UACA: variants seen among roughly 807,000 people sequenced by gnomAD.
UACA encodes nuclear membrane binding protein.
A neutral mutation model predicts 160.5 loss-of-function variants in UACA; 112 were observed. The observed-to-expected ratio is 0.70, with a 90% confidence interval of 0.60 to 0.82. The LOEUF is 0.82. Ranked by LOEUF, UACA falls within the 40% of genes least tolerant of loss-of-function variation. The probability of loss-of-function intolerance (pLI) is 0.00; values close to 1 mark genes in which losing one functional copy is unlikely to be tolerated. For missense variants in UACA, 1,574 were observed against 1,614.6 expected (o/e 0.97, Z 0.43); for synonymous variants, 557 against 568.4 (o/e 0.98, Z 0.29).
At chr15:70,745,048 A>G (rs576974705) in intron 1 of UACA, among the ~76,000 whole-genome samples, 42 of 152,302 alleles carry the variant, frequency 2.8e-4, no homozygotes, top group African/African-American at 9.9e-4. Context: ...CTGGGGAAAA[A>G]TATGTATTTT....
At chr15:70,763,176 ACGG>A (rs1305092395) in intron 1 of UACA, among the ~76,000 whole-genome samples, 151 bp downstream of exon 1, 1 of 152,086 alleles carries the variant, frequency 6.6e-6, no homozygotes, top group Non-Finnish European at 1.5e-5. Context: ...CTCTGGGCTG[ACGG>A]AGTCTCCGGC....
chr15:70,708,290 T>C (rs980562757), intron 1 of UACA, among the ~76,000 whole-genome samples: 3 of 152,114 alleles, frequency 2.0e-5, no homozygotes, highest in Non-Finnish European at 2.9e-5. Flanking sequence ...TGGGGAGCTA[T>C]TGTTTAATGG....
intron 1 of UACA, among the ~76,000 whole-genome samples, chr15:70,705,794 A>C (rs1898508081): frequency 6.6e-6 from 1 of 152,134 alleles, no homozygotes; most frequent in South Asian, 2.1e-4. Flanking sequence ...CACAGAACTT[A>C]AGTACCCTGA....
chr15:70,702,054 TG>T, intron 1 of UACA: 1 of 1,399,902 alleles, frequency 7.1e-7, no homozygotes, highest in Non-Finnish European at 9.3e-7. Context: ...ACACTTAGCT[TG>T]GATCTCTAAC....
Position 70,667,973 on chromosome 15 carries a change from TTCTTA to T in UACA, c.2706_2710del (p.Asp902GlufsTer2). On this transcript the variant is annotated frameshift_variant, in exon 16 of 19. Coordinates refer to ENST00000322954, the MANE Select transcript of UACA (RefSeq NM_018003.4). LOFTEE classifies it high-confidence loss of function. ...TTCCAGGTTTCTTTTTAATATTTCA[TTCTTA>T]TCTTTTATTTTTACAAATTCCTGAT... 6.2e-7 allele frequency: 1 copy of T among 1,602,194 alleles called. No homozygotes were observed.
chr15:70,699,804 C>T, intron 1 of UACA, 144 bp from the exon 2 acceptor site: 1 of 834,706 alleles, frequency 1.2e-6, no homozygotes, highest in Non-Finnish European at 1.8e-6. Flanking sequence ...CTTCTCCCTT[C>T]TGTGCTAACT....
At chr15:70,674,072 G>A (rs934426849) in intron 13 of UACA, among the ~76,000 whole-genome samples, 7 of 152,120 alleles carry the variant, frequency 4.6e-5, no homozygotes, top group African/African-American at 1.7e-4. Context: ...ATGTTGCCCA[G>A]GCTGGTCTCG....
chr15:70,756,533 A>G (rs1313223714), intron 1 of UACA, among the ~76,000 whole-genome samples: 2 of 152,178 alleles, frequency 1.3e-5, no homozygotes, highest in East Asian at 3.9e-4. Context: ...CACCCACCCA[A>G]AGATTATTTT....
At chr15:70,745,825 G>C (rs560105016) in intron 1 of UACA, among the ~76,000 whole-genome samples, 1 of 25,154 alleles carries the variant, frequency 4.0e-5, no homozygotes, top group South Asian at 1.7e-3. Flanking sequence ...ACAACCATCT[G>C]ACCTTTGACA....
chr15:70,690,864 T>A (rs1330206864), intron 4 of UACA, among the ~76,000 whole-genome samples: 2 of 152,160 alleles, frequency 1.3e-5, no homozygotes, highest in Non-Finnish European at 2.9e-5. Context: ...AATATGTTTA[T>A]AAAAATGTAT....
chr15:70,769,337 T>A, the UACA span, among the ~76,000 whole-genome samples: 4,874 of 31,694 alleles, frequency 0.15, 133 homozygotes, highest in Middle Eastern at 0.36. Flanking sequence ...AGACTCCGAC[T>A]CAAAAAAAAA....
the UACA span, among the ~76,000 whole-genome samples, chr15:70,772,883 G>A: frequency 6.6e-6 from 1 of 152,188 alleles, no homozygotes; most frequent in East Asian, 1.9e-4. Context: ...AAGGTCAGGA[G>A]TTTGAGACCA....
chr15:70,755,367 T>C (rs2030354428), intron 1 of UACA, among the ~76,000 whole-genome samples: 1 of 151,230 alleles, frequency 6.6e-6, no homozygotes, highest in Non-Finnish European at 1.5e-5. Flanking sequence ...TAATTCAAGG[T>C]TTAAAAAAAA....
intron 5 of UACA, among the ~76,000 whole-genome samples, chr15:70,689,036 C>T (rs889906996): frequency 3.1e-4 from 47 of 152,274 alleles, no homozygotes; most frequent in African/African-American, 1.1e-3. Context: ...TTGCTCCTAT[C>T]AGTAGAATAT....
chr15:70,722,240 A>C (rs1040276886), intron 1 of UACA, among the ~76,000 whole-genome samples: 14 of 152,206 alleles, frequency 9.2e-5, no homozygotes, highest in African/African-American at 3.4e-4. Context: ...ATAGTAGAAA[A>C]ATAATACTAA....
At chr15:70,671,909 T>C (rs77908267) in intron 14 of UACA, 56 bp downstream of exon 14, 32,963 of 1,451,750 alleles carry the variant, frequency 0.023, 489 homozygotes, top group Middle Eastern at 0.07. Context: ...AGAATAAACA[T>C]TCTTCTTTAC....
At chr15:70,744,248 C>CA (rs5813608) in intron 1 of UACA, among the ~76,000 whole-genome samples, 1,882 of 64,236 alleles carry the variant, frequency 0.029, 25 homozygotes, top group Non-Finnish European at 0.042. Flanking sequence ...GACTCTGTCT[C>CA]AAAAAAAAAA....
At position 70,747,356 on chromosome 15, in the gene UACA, G is replaced by A. The variant is rs766801670; in HGVS notation, c.78+15974C>T. ...CCTCCCAGGTTCAAGCAATTCCCCC[G>A]CCTCAGCCTCCCTTTTAGGGGTTAT... is the stretch of plus-strand genomic sequence containing the variant. On this transcript the variant is annotated intron_variant, in intron 1 of 18. Coordinates refer to ENST00000322954, the MANE Select transcript of UACA (RefSeq NM_018003.4). Among the ~76,000 whole-genome samples, 8 of 142,972 alleles carry A rather than the reference G, an allele frequency of 5.6e-5. No individual in the cohort carries two copies. The East Asian group carries it at 6.8e-4, about 12-fold the overall frequency. 93.8% of individuals were successfully genotyped at this position (142,972 alleles called of 152,430 possible). A position where few individuals can be genotyped will look rare whatever the true frequency, so the allele number is the denominator to read the frequency against.
intron 2 of UACA, among the ~76,000 whole-genome samples, chr15:70,696,271 T>C (rs572868605): frequency 1.3e-5 from 2 of 152,342 alleles, no homozygotes; most frequent in African/African-American, 4.8e-5. Flanking sequence ...TATTTTGGAA[T>C]AGAATAAATT....
Sources: allele counts gnomAD v4.1 joint callset (sites outside exome capture counted in the v4.1 genomes callset), GRCh38; gene constraint gnomAD v4.1.1; transcripts MANE v1.5; gene names NCBI Gene and HGNC (gene_info 2026-07-23, HGNC 2026-07-21).